The following SLC43A3 variants were observed in gnomAD, a reference collection of about 807,000 sequenced individuals.
SLC43A3 encodes solute carrier family 43 member 3, also known as equilibrative nucleobase transporter 1.
Under a neutral mutation model 53.3 loss-of-function variants are expected in SLC43A3, and 33 were observed. The ratio of observed to expected loss-of-function variants is 0.62; its 90% CI spans 0.47 to 0.83. The LOEUF is 0.83. SLC43A3 is among the 40% of genes least tolerant of loss of function. The probability of loss-of-function intolerance (pLI) is 0.00; values close to 1 mark genes in which losing one functional copy is unlikely to be tolerated. For synonymous variants in SLC43A3, 236 were observed against 246.2 expected (o/e 0.96, Z 0.39); for missense variants, 530 against 610.0 (o/e 0.87, Z 1.38).
chr11:57,418,877 G>A (rs1192699543), intron 7 of SLC43A3, among the ~76,000 whole-genome samples: 8 of 150,598 alleles, frequency 5.3e-5, no homozygotes, highest in African/African-American at 1.5e-4. Flanking sequence ...GCAACAGAGC[G>A]AGACTCTGTC....
At chr11:57,419,058 C>T (rs1270101897) in intron 7 of SLC43A3, among the ~76,000 whole-genome samples, 2 of 152,062 alleles carry the variant, frequency 1.3e-5, no homozygotes, top group Admixed American at 1.3e-4. Context: ...TACACACATG[C>T]CCCCACCCAC....
intron 8 of SLC43A3, among the ~76,000 whole-genome samples, chr11:57,417,491 T>C (rs7948027): frequency 0.37 from 56,129 of 152,144 alleles, 11,210 homozygotes; most frequent in African/African-American, 0.52. Context: ...TGATCAGATG[T>C]ATGAATGAGC....
intron 11 of SLC43A3, among the ~76,000 whole-genome samples, chr11:57,412,267 T>C (rs1942509843): frequency 6.6e-6 from 1 of 152,204 alleles, no homozygotes; most frequent in Admixed American, 6.5e-5. Flanking sequence ...AAGTTTTCAA[T>C]GGCCAAAGGT....
chr11:57,418,849 C>T (rs1942845243), intron 7 of SLC43A3, among the ~76,000 whole-genome samples: 1 of 151,258 alleles, frequency 6.6e-6, no homozygotes, highest in African/African-American at 2.4e-5. Context: ...AAGATCCTGC[C>T]ACCGCACTCC....
chr11:57,410,259 A>C (rs1942391732), intron 11 of SLC43A3, 138 bp from the exon 12 acceptor site: 1 of 650,452 alleles, frequency 1.5e-6, no homozygotes, highest in Admixed American at 3.0e-5. Flanking sequence ...GTCATCCTCG[A>C]ATCCTTTCCC....
intron 9 of SLC43A3, 89 bp from the exon 10 acceptor site, chr11:57,415,195 G>C: frequency 6.4e-7 from 1 of 1,571,046 alleles, no homozygotes; most frequent in South Asian, 1.2e-5. Flanking sequence ...GAACATTTCA[G>C]ATCCGGGCCC....
intron 5 of SLC43A3, among the ~76,000 whole-genome samples, chr11:57,423,406 T>C (rs1943072064): frequency 6.6e-6 from 1 of 152,040 alleles, no homozygotes; most frequent in Admixed American, 6.6e-5. Flanking sequence ...TGTAAAGGTT[T>C]TTTGTTGTTG....
intron 11 of SLC43A3, 68 bp from the exon 12 acceptor site, chr11:57,410,189 G>C: frequency 7.7e-7 from 1 of 1,298,036 alleles, no homozygotes; most frequent in Non-Finnish European, 1.0e-6. Context: ...GAAGGGCCAA[G>C]GAAGATTGGA....
At position 57,416,715 on chromosome 11, in the gene SLC43A3, C is replaced by T. The variant is rs369601789; in HGVS notation, c.672-45G>A. 40 of 1,458,408 alleles carry T rather than the reference C, an allele frequency of 2.7e-5. 1 individual carries two copies. In the Admixed American group the frequency reaches 5.2e-4, roughly 19 times the overall value. 90.3% of individuals were successfully genotyped at this position (1,458,408 alleles called of 1,614,324 possible). ...ACCAGCAAGGCCAAGGACTGTGAGC[C>T]GAACCTGAGACTCAGACTGGAGGGA... On this transcript the variant is annotated intron_variant, in intron 8 of 13. Coordinates refer to ENST00000395124, the MANE Select transcript of SLC43A3 (RefSeq NM_199329.3).
At position 57,407,556 on chromosome 11, in the gene SLC43A3, T is replaced by A. The variant is rs1023279432; in HGVS notation, c.*236A>T. On this transcript the variant is annotated 3_prime_UTR_variant, in exon 14 of 14. Transcript: ENST00000395124. Reference sequence around the variant, plus strand: ...CTAAGTGCAAGGAGACACTTCTGTTTTGAAATAAAGAAGTTCCACATGCCT... The same window carrying A: ...CTAAGTGCAAGGAGACACTTCTGTTATGAAATAAAGAAGTTCCACATGCCT... 12 of 470,186 alleles carry A rather than the reference T, an allele frequency of 2.6e-5. No homozygotes were observed. The highest frequency in any genetic ancestry group is 2.3e-4 in the African/African-American group (12 of 51,138). 29.1% of individuals were successfully genotyped at this position (470,186 alleles called of 1,614,324 possible). A position where few individuals can be genotyped will look rare whatever the true frequency, so the allele number is the denominator to read the frequency against.
Position 57,409,157 on chromosome 11 carries a change from C to T in SLC43A3, c.1371+18G>A, listed in dbSNP as rs911743960. 14 of 1,614,100 alleles carry T rather than the reference C, an allele frequency of 8.7e-6. No homozygotes were observed. The highest frequency in any genetic ancestry group is 1.2e-5 in the Non-Finnish European group (14 of 1,179,924). The stretch of plus-strand genomic sequence containing the variant: ...GCCCAGGCCTCCTGCCAGGGATCCC[C>T]ATCCTCCCAGTACTCACGTAAAATG... On this transcript the variant is annotated intron_variant, in intron 13 of 13. Coordinates refer to ENST00000395124, the MANE Select transcript of SLC43A3 (RefSeq NM_199329.3).
intron 12 of SLC43A3, 72 bp downstream of exon 12, chr11:57,409,863 A>C: frequency 7.0e-7 from 1 of 1,432,468 alleles, no homozygotes; most frequent in Non-Finnish European, 9.4e-7. Context: ...CTTGCCTCCC[A>C]ATTTCTTTAC....
intron 7 of SLC43A3, among the ~76,000 whole-genome samples, chr11:57,420,344 T>C (rs565410405): frequency 1.3e-5 from 2 of 152,354 alleles, no homozygotes; most frequent in South Asian, 2.1e-4. Context: ...CTGGATCATA[T>C]GCTGACCTCC....
Position 57,425,901 on chromosome 11 carries a change from G to A in SLC43A3, c.184+88C>T, listed in dbSNP as rs895091811. On this transcript the variant is annotated intron_variant, in intron 3 of 13. Transcript: ENST00000395124. ...CCCTTCCTCTCATCATAGAAAGAGG[G>A]GTGGGCAGGGGGCAGAGTCCTTCCT... 29 of 1,399,340 alleles carry A rather than the reference G, an allele frequency of 2.1e-5. No homozygotes were observed. The Admixed American group carries it at 4.8e-4, about 23-fold the overall frequency. 86.7% of individuals were successfully genotyped at this position (1,399,340 alleles called of 1,614,324 possible). A position where few individuals can be genotyped will look rare whatever the true frequency, so the allele number is the denominator to read the frequency against.
chr11:57,410,250 T>A, intron 11 of SLC43A3, 129 bp from the exon 12 acceptor site: 1 of 700,966 alleles, frequency 1.4e-6, no homozygotes, highest in Non-Finnish European at 2.3e-6. Flanking sequence ...AACCTGGGAG[T>A]CATCCTCGAA....
chr11:57,423,820 A>G (rs1943090796), intron 5 of SLC43A3, 162 bp downstream of exon 5: 1 of 611,220 alleles, frequency 1.6e-6, no homozygotes. Context: ...CTGTTTTCAC[A>G]GACCAGCAAT....
chr11:57,409,062 C>G (rs1942332367), intron 13 of SLC43A3, 113 bp downstream of exon 13: 2 of 1,048,740 alleles, frequency 1.9e-6, no homozygotes, highest in Non-Finnish European at 2.9e-6. Context: ...TAACACAGAC[C>G]CTTTGGGAAG....
At chr11:57,411,909 G>A (rs908862156) in intron 11 of SLC43A3, among the ~76,000 whole-genome samples, 2 of 152,072 alleles carry the variant, frequency 1.3e-5, no homozygotes, top group Non-Finnish European at 2.9e-5. Flanking sequence ...CAGAGGAAGA[G>A]AAAGGGCTAC....
intron 7 of SLC43A3, 44 bp from the exon 8 acceptor site, chr11:57,417,931 T>C (rs6591424): frequency 0.051 from 81,873 of 1,593,232 alleles, 4,134 homozygotes; most frequent in African/African-American, 0.27. Context: ...CCCACGTTCA[T>C]AGCAGCACTA....
Sources: gnomAD v4.1 joint callset for allele counts (sites outside exome capture counted in the v4.1 genomes callset) on GRCh38, gnomAD v4.1.1 for gene constraint, MANE v1.5 for transcripts, NCBI Gene and HGNC (gene_info 2026-07-23, HGNC 2026-07-21) for gene names.